Variants in IRS1 observed in about 807,000 individuals in gnomAD.
IRS1 encodes insulin receptor substrate 1.
IRS1 carries 34 observed loss-of-function variants against 65.6 expected under a neutral mutation model. The ratio of observed to expected loss-of-function variants is 0.52; its 90% CI spans 0.39 to 0.69. The LOEUF (loss-of-function observed/expected upper bound fraction) is 0.69, where lower values mean the gene tolerates loss of function less well. Among genes scored for constraint, IRS1 ranks in the 30% least tolerant of loss-of-function variants. The pLI, the probability that IRS1 is intolerant of heterozygous loss-of-function variation, is 0.00. For synonymous variants in IRS1, 699 were observed against 683.5 expected (o/e 1.02, Z -0.35); for missense variants, 1,641 against 1,720.2 (o/e 0.95, Z 0.81).
chr2:226,792,913 G>A (rs1939638674), intron 1 of IRS1, among the ~76,000 whole-genome samples: 1 of 152,188 alleles, frequency 6.6e-6, no homozygotes, highest in Admixed American at 6.5e-5. Flanking sequence ...AGCATTTGGT[G>A]CCTCACTTTA....
intron 1 of IRS1, among the ~76,000 whole-genome samples, chr2:226,739,131 T>C (rs899643254): frequency 8.5e-5 from 13 of 152,310 alleles, no homozygotes; most frequent in African/African-American, 3.1e-4. Context: ...GAGCAGGGAA[T>C]AAAAGGACGT....
intron 1 of IRS1, among the ~76,000 whole-genome samples, chr2:226,778,193 T>A (rs1306476948): frequency 6.6e-6 from 1 of 152,164 alleles, no homozygotes; most frequent in African/African-American, 2.4e-5. Context: ...ACAGTATATT[T>A]CTATAATTTA....
At chr2:226,750,743 G>A (rs1938661781) in intron 1 of IRS1, among the ~76,000 whole-genome samples, 2 of 152,134 alleles carry the variant, frequency 1.3e-5, no homozygotes, top group Admixed American at 1.3e-4. Context: ...CCATACTAAA[G>A]AAAAGCACAG....
At chr2:226,780,330 T>G (rs1174308257) in intron 1 of IRS1, among the ~76,000 whole-genome samples, 1 of 152,162 alleles carries the variant, frequency 6.6e-6, no homozygotes, top group Admixed American at 6.5e-5. Context: ...AAGCAGAGGT[T>G]GCAGTGAGCT....
rs770995196 is a variant in IRS1, at chr2:226,796,058, C to T, written c.2681G>A (p.Gly894Glu). The T allele has an allele frequency of 6.2e-7, 1 of 1,614,070 alleles. No homozygotes were observed. The highest frequency in any genetic ancestry group is 8.5e-7 in the Non-Finnish European group (1 of 1,180,052). Reference sequence around the variant, plus strand: ...CCCAAATTCAATATTGACATATTCCCCCGGGCTCTTGGGCTCTGGAGGGTG... The same window carrying T: ...CCCAAATTCAATATTGACATATTCCTCCGGGCTCTTGGGCTCTGGAGGGTG... ...LLHPPEPKSP[G>E]EYVNIEFGSD... is the part of the protein sequence containing the mutation. Residue 894 changes from glycine to glutamate, a missense_variant, in exon 1 of 2, where the codon GGG becomes GAG. By Grantham distance (98) the Gly-to-Glu change is moderately conservative. This residue lies in a region of IRS1 where 1,324 missense variants were observed against 1,361.0 expected (regional missense o/e 0.97). Coordinates refer to ENST00000305123, the MANE Select transcript of IRS1 (RefSeq NM_005544.3).
At chr2:226,788,174 G>T (rs1357715471) in intron 1 of IRS1, among the ~76,000 whole-genome samples, 1 of 152,104 alleles carries the variant, frequency 6.6e-6, no homozygotes, top group East Asian at 1.9e-4. Context: ...TGGAGTGCAA[G>T]GATACATATG....
rs1938222236 is a variant in IRS1 at position 226,731,588 on chromosome 2, A to G, written c.*4684T>C. ...TACATATATACATAATACATGTTAT[A>G]AACATATATACAGTAAATGTTTTGG... On this transcript the variant is annotated 3_prime_UTR_variant, in exon 2 of 2. Transcript: ENST00000305123. 6.6e-6 allele frequency: 1 copy of G among 152,230 alleles called. No homozygotes were observed. Among genetic ancestry groups the G allele is most frequent in the South Asian group, 2.1e-4 (1 of 4,832 alleles). 9.4% of individuals were successfully genotyped at this position (152,230 alleles called of 1,614,324 possible). A position where few individuals can be genotyped will look rare whatever the true frequency, so the allele number is the denominator to read the frequency against.
chr2:226,787,076 G>A (rs999693585), intron 1 of IRS1, among the ~76,000 whole-genome samples: 20 of 152,034 alleles, frequency 1.3e-4, no homozygotes, highest in Admixed American at 7.9e-4. Flanking sequence ...TTCCCCCCAG[G>A]TTTCCTAACA....
chr2:226,747,725 C>A (rs1370392939), intron 1 of IRS1, among the ~76,000 whole-genome samples: 1 of 152,140 alleles, frequency 6.6e-6, no homozygotes. Flanking sequence ...GAGGCTCAAC[C>A]AATTTCTCTT....
At chr2:226,790,748 A>ACTTTT (rs1302278607) in intron 1 of IRS1, among the ~76,000 whole-genome samples, 1 of 152,132 alleles carries the variant, frequency 6.6e-6, no homozygotes, top group Non-Finnish European at 1.5e-5. Context: ...CTCCCATAGC[A>ACTTTT]CTTTTCTTTC....
At chr2:226,755,388 C>T (rs958876577) in intron 1 of IRS1, among the ~76,000 whole-genome samples, 4 of 152,124 alleles carry the variant, frequency 2.6e-5, no homozygotes, top group South Asian at 4.1e-4. Context: ...ATGACGTTAA[C>T]GTTAAAATAT....
At position 226,736,258 on chromosome 2, in the gene IRS1, G is replaced by A. The variant is rs1023867865; in HGVS notation, c.*22-8C>T. 2 of 152,108 alleles carry A rather than the reference G, an allele frequency of 1.3e-5. No homozygotes were observed. Among genetic ancestry groups the A allele is most frequent in the Non-Finnish European group, 2.9e-5 (2 of 68,004 alleles). 9.4% of individuals were successfully genotyped at this position (152,108 alleles called of 1,614,324 possible). A position where few individuals can be genotyped will look rare whatever the true frequency, so the allele number is the denominator to read the frequency against. ...GTCATTTAGGTCTTCATTCTGAAAA[G>A]AAAAAGGAAAGAATTCAGCACCACA... On this transcript the variant is annotated splice_polypyrimidine_tract_variant and splice_region_variant and intron_variant, in intron 1 of 1. Transcript: ENST00000305123.
At position 226,732,535 on chromosome 2, in the gene IRS1, T is replaced by C. The variant is rs1039398451; in HGVS notation, c.*3737A>G. 1.3e-5 allele frequency: 2 copies of C among 148,710 alleles called. No homozygotes were observed. The highest frequency in any genetic ancestry group is 3.0e-5 in the Non-Finnish European group (2 of 67,314). 9.2% of individuals were successfully genotyped at this position (148,710 alleles called of 1,614,324 possible). A position where few individuals can be genotyped will look rare whatever the true frequency, so the allele number is the denominator to read the frequency against. On this transcript the variant is annotated 3_prime_UTR_variant, in exon 2 of 2. Transcript: ENST00000305123. ...GTATCTATATATGTGTGTATATATATCTATATATGTGTATATATATCTATA... is the reference window on the plus strand; with the variant it reads ...GTATCTATATATGTGTGTATATATACCTATATATGTGTATATATATCTATA...
chr2:226,775,497 T>C (rs1249611374), intron 1 of IRS1, among the ~76,000 whole-genome samples: 2 of 152,220 alleles, frequency 1.3e-5, no homozygotes, highest in Non-Finnish European at 2.9e-5. Context: ...TGTGAACTCA[T>C]GCTTGGCTTA....
At position 226,796,592 on chromosome 2, in the gene IRS1, G is replaced by A; in HGVS notation, c.2147C>T (p.Pro716Leu). Residue 716 changes from proline (P) to leucine (L), a missense_variant, in exon 1 of 2, where the codon CCC (proline) becomes CTC (leucine). By Grantham distance (98) the Pro-to-Leu change is moderately conservative. Around this residue, in one of 3 missense-constraint regions of IRS1, gnomAD observed 1,324 missense variants for 1,361.0 expected, o/e 0.97. Transcript: ENST00000305123. ...CTTACCACCGCTGCTCTCCACTGGG[G>A]GTTTGGGGTGAGGCAAGACATGAGA... ...HHSHVLPHPK[P>L]PVESSGGKLL... The A allele has an allele frequency of 6.2e-7, 1 of 1,614,070 alleles. No individual in the cohort carries two copies. The highest frequency in any genetic ancestry group is 8.5e-7 in the Non-Finnish European group (1 of 1,179,976).
At chr2:226,790,115 AT>A (rs1311763281) in intron 1 of IRS1, among the ~76,000 whole-genome samples, 2 of 152,150 alleles carry the variant, frequency 1.3e-5, no homozygotes, top group East Asian at 3.8e-4. Context: ...CAACATTCCT[AT>A]GTTTAGAGCT....
At chr2:226,766,163 A>ATTTTTTTTTTTTTTT (rs5839180) in intron 1 of IRS1, among the ~76,000 whole-genome samples, 9 of 4,594 alleles carry the variant, frequency 2.0e-3, no homozygotes, top group Admixed American at 6.6e-3. Flanking sequence ...ATATATATAT[A>ATTTTTTTTTTTTTTT]TTTTTTTTTT....
At chr2:226,781,003 G>A (rs1434720835) in intron 1 of IRS1, among the ~76,000 whole-genome samples, 3 of 152,176 alleles carry the variant, frequency 2.0e-5, no homozygotes, top group Non-Finnish European at 4.4e-5. Flanking sequence ...TGAAGAGTGA[G>A]CCTACTCTCA....
intron 1 of IRS1, among the ~76,000 whole-genome samples, chr2:226,739,044 G>C (rs550686731): frequency 1.3e-5 from 2 of 152,284 alleles, no homozygotes; most frequent in Admixed American, 1.3e-4. Flanking sequence ...AAAACAGGTG[G>C]CTTCACTGGG....
Sources: gnomAD v4.1 joint callset for allele counts (sites outside exome capture counted in the v4.1 genomes callset) on GRCh38, gnomAD v4.1.1 for gene constraint, gnomAD v4.1.1 regional missense constraint, MANE v1.5 for transcripts, NCBI Gene and HGNC (gene_info 2026-07-23, HGNC 2026-07-21) for gene names.